HDAC2: variants seen among roughly 807,000 people sequenced by gnomAD.
HDAC2 encodes the protein histone deacetylase 2.
HDAC2 carries 5 observed loss-of-function variants against 68.5 expected under a neutral mutation model. The observed-to-expected ratio is 0.07, with a 90% confidence interval of 0.04 to 0.15. HDAC2 has a LOEUF of 0.15. HDAC2 is among the 10% of genes least tolerant of loss of function. The pLI, the probability that HDAC2 is intolerant of heterozygous loss-of-function variation, is 1.00. For missense variants in HDAC2, 291 were observed against 600.8 expected, an observed-to-expected ratio of 0.48 and a Z score of 5.39; for synonymous variants, 182 against 191.3, an observed-to-expected ratio of 0.95 and a Z score of 0.40.
intron 1 of HDAC2, among the ~76,000 whole-genome samples, chr6:113,960,424 G>A (rs766144243): frequency 1.1e-4 from 17 of 151,964 alleles, no homozygotes; most frequent in Non-Finnish European, 1.5e-4. Context: ...TGGATGATTT[G>A]CTGGCATTTC....
At chr6:113,943,078 C>T (rs935434957) in intron 12 of HDAC2, among the ~76,000 whole-genome samples, 1 of 152,084 alleles carries the variant, frequency 6.6e-6, no homozygotes, top group Admixed American at 6.6e-5. Flanking sequence ...TCTTTCTTAA[C>T]CAATCTATAT....
At position 113,933,699 on chromosome 6, in the gene HDAC2, T is replaced by C. The variant is rs1465249326; in HGVS notation, c.*7359A>G. The C allele has an allele frequency of 6.6e-6, 1 of 152,068 alleles. No homozygotes were observed. Among genetic ancestry groups the C allele is most frequent in the African/African-American group, 2.4e-5 (1 of 41,388 alleles). The allele number at this position is 152,068 out of a possible 1,614,324, so 9.4% of individuals were successfully genotyped here. A position where few individuals can be genotyped will look rare whatever the true frequency, so the allele number is the denominator to read the frequency against. On this transcript the variant is annotated 3_prime_UTR_variant, in exon 14 of 14. Coordinates refer to ENST00000519065, the MANE Select transcript of HDAC2 (RefSeq NM_001527.4). ...AAAACCCTTGCCCTTATGAAACTCT[T>C]AATCCAGTGAAAGTAAGCAGAATGG...
At chr6:113,959,522 A>G (rs1340793832) in intron 2 of HDAC2, 1 of 152,582 alleles carries the variant, frequency 6.6e-6, no homozygotes, top group African/African-American at 2.4e-5. Context: ...TGTGGGATTA[A>G]TTTTATGTGT....
At chr6:113,948,690 G>A (rs953096320) in intron 8 of HDAC2, 1 of 305,134 alleles carries the variant, frequency 3.3e-6, no homozygotes, top group African/African-American at 2.2e-5. Context: ...AAGTAAAAAA[G>A]TATGCATGTT....
chr6:113,968,983 T>C (rs571446569), intron 1 of HDAC2, among the ~76,000 whole-genome samples: 2 of 152,288 alleles, frequency 1.3e-5, no homozygotes, highest in South Asian at 4.1e-4. Context: ...AGTACCACTT[T>C]CCCTAACCAA....
rs115934696 is a variant in HDAC2 at position 113,941,982 on chromosome 6, G to A, written c.1379-217C>T. On this transcript the variant is annotated intron_variant, in intron 12 of 13. Transcript: ENST00000519065. ...ATTGGGGTGCAGAGGGAGAAAAGGT[G>A]GCCCTAACTCTAGGTTTTGACCTAT... 3.2e-3 allele frequency among the ~76,000 whole-genome samples: 490 copies of A among 152,020 alleles called. 3 individuals carry two copies. Among genetic ancestry groups the A allele is most frequent in the African/African-American group, 0.011 (448 of 41,498 alleles).
rs1208802222 is a variant in HDAC2, at chr6:113,938,479, CCTT to C, written c.*2576_*2578del. On this transcript the variant is annotated 3_prime_UTR_variant, in exon 14 of 14. Transcript: ENST00000519065. ...AGTTGAGTTTGGTGTCACACTTAGG[CCTT>C]CTTCAATCCATTTGCTTTAAGAGTT... 8 of 152,072 alleles carry C rather than the reference CCTT, an allele frequency of 5.3e-5. No homozygotes were observed. Among genetic ancestry groups the C allele is most frequent in the African/African-American group, 1.9e-4 (8 of 41,428 alleles). 9.4% of individuals were successfully genotyped at this position (152,072 alleles called of 1,614,324 possible).
At chr6:113,959,753 C>A (rs941721485) in intron 2 of HDAC2, 153 bp downstream of exon 2, 2 of 533,908 alleles carry the variant, frequency 3.7e-6, no homozygotes, top group Non-Finnish European at 6.7e-6. Context: ...TCTTATTCAT[C>A]TCCTAAGAAT....
intron 12 of HDAC2, among the ~76,000 whole-genome samples, chr6:113,942,687 A>T (rs1776163828): frequency 6.6e-6 from 1 of 152,134 alleles, no homozygotes; most frequent in African/African-American, 2.4e-5. Flanking sequence ...GTGAGGTGCT[A>T]TAATATGATG....
chr6:113,970,059 G>T (rs1325798190), intron 1 of HDAC2: 1 of 152,062 alleles, frequency 6.6e-6, no homozygotes, highest in African/African-American at 2.4e-5. Flanking sequence ...TATTTCCTAC[G>T]AAGTCTTTCT....
Position 113,940,950 on chromosome 6 carries a change from T to A in HDAC2, c.*108A>T. ...AAAAGCCATTTGAAAATAAATACAG[T>A]CCATGCCAAAGTAGTATAAAATGAA... On this transcript the variant is annotated 3_prime_UTR_variant, in exon 14 of 14. Transcript: ENST00000519065. 1 of 792,030 alleles carries A rather than the reference T, an allele frequency of 1.3e-6. No homozygotes were observed. 49.1% of individuals were successfully genotyped at this position (792,030 alleles called of 1,614,324 possible).
intron 6 of HDAC2, among the ~76,000 whole-genome samples, chr6:113,952,047 G>A (rs2114602463): frequency 6.6e-6 from 1 of 152,286 alleles, no homozygotes; most frequent in South Asian, 2.1e-4. Flanking sequence ...TGTAATGGTT[G>A]TTGACAAATG....
At chr6:113,967,528 C>T (rs1725139768) in intron 1 of HDAC2, among the ~76,000 whole-genome samples, 1 of 152,118 alleles carries the variant, frequency 6.6e-6, no homozygotes. Flanking sequence ...ATGCATCCCT[C>T]TCAGAGGAGG....
chr6:113,958,835 T>C, intron 2 of HDAC2, 69 bp from the exon 3 acceptor site: 1 of 915,554 alleles, frequency 1.1e-6, no homozygotes, highest in Non-Finnish European at 1.8e-6. Context: ...CAAACAAATA[T>C]ACAAATTCCC....
At chr6:113,948,931 G>C (rs1201807858) in intron 8 of HDAC2, 48 bp downstream of exon 8, 2 of 1,596,820 alleles carry the variant, frequency 1.3e-6, no homozygotes, top group Non-Finnish European at 1.7e-6. Context: ...TTCTTGGGTG[G>C]AAGAAAAACC....
intron 6 of HDAC2, among the ~76,000 whole-genome samples, chr6:113,950,742 G>A (rs997312550): frequency 6.6e-6 from 1 of 151,534 alleles, no homozygotes; most frequent in Non-Finnish European, 1.5e-5. Context: ...GAATGATAAT[G>A]TCTGAAGATC....
At chr6:113,970,674 G>C in intron 1 of HDAC2, 183 bp downstream of exon 1, 1 of 1,350,406 alleles carries the variant, frequency 7.4e-7, no homozygotes, top group Non-Finnish European at 9.4e-7. Context: ...CAGGAACCGC[G>C]GGGGCTGCGC....
At chr6:113,958,559 G>GA in intron 3 of HDAC2, 90 bp downstream of exon 3, 1 of 683,654 alleles carries the variant, frequency 1.5e-6, no homozygotes, top group Non-Finnish European at 2.5e-6. Context: ...AGACCAACAG[G>GA]AAAAATATTC....
rs1241486841 is a variant in HDAC2 at position 113,939,971 on chromosome 6, C to T, written c.*1087G>A. ...CTGTAATTTTTAATCTCAAAAGAAT[C>T]AATGTGGGCCTGACAAAAAGGGAGA... On this transcript the variant is annotated 3_prime_UTR_variant, in exon 14 of 14. Transcript: ENST00000519065. 1 of 152,110 alleles carries T rather than the reference C, an allele frequency of 6.6e-6. No individual in the cohort carries two copies. Among genetic ancestry groups the T allele is most frequent in the African/African-American group, 2.4e-5 (1 of 41,426 alleles). The allele number at this position is 152,110 out of a possible 1,614,324, so 9.4% of individuals were successfully genotyped here.
Sources: allele counts gnomAD v4.1 joint callset (sites outside exome capture counted in the v4.1 genomes callset), GRCh38; gene constraint gnomAD v4.1.1; transcripts MANE v1.5; gene names NCBI Gene and HGNC (gene_info 2026-07-23, HGNC 2026-07-21).